IGF2BP2: variants seen among roughly 807,000 people sequenced by gnomAD.
IGF2BP2 encodes the protein insulin like growth factor 2 mRNA binding protein 2.
A neutral mutation model predicts 75.8 loss-of-function variants in IGF2BP2; 17 were observed. The observed-to-expected ratio is 0.22, with a 90% confidence interval of 0.15 to 0.34. The LOEUF (loss-of-function observed/expected upper bound fraction) is 0.34. IGF2BP2 is among the 10% of genes least tolerant of loss of function. IGF2BP2 has a pLI of 1.00. For missense variants in IGF2BP2, 516 were observed against 772.4 expected (o/e 0.67, Z 3.93); for synonymous variants, 288 against 295.6 (o/e 0.97, Z 0.26).
At chr3:185,745,238 G>A (rs1730097049) in intron 2 of IGF2BP2, among the ~76,000 whole-genome samples, 1 of 152,152 alleles carries the variant, frequency 6.6e-6, no homozygotes, top group African/African-American at 2.4e-5. Flanking sequence ...ATAGAGGAAT[G>A]GTCGACCAAG....
intron 4 of IGF2BP2, among the ~76,000 whole-genome samples, chr3:185,693,716 C>T (rs1308884918): frequency 6.6e-6 from 1 of 152,132 alleles, no homozygotes; most frequent in Non-Finnish European, 1.5e-5. Flanking sequence ...ATATATGTTT[C>T]CCAAAACAAA....
At chr3:185,670,733 C>T (rs979913495) in intron 10 of IGF2BP2, among the ~76,000 whole-genome samples, 1 of 152,122 alleles carries the variant, frequency 6.6e-6, no homozygotes, top group East Asian at 1.9e-4. Context: ...CCACACCTGG[C>T]TAATTCTTGT....
intron 2 of IGF2BP2, among the ~76,000 whole-genome samples, chr3:185,776,834 A>G (rs779957547): frequency 2.0e-4 from 30 of 152,320 alleles, no homozygotes; most frequent in Admixed American, 5.2e-4. Context: ...AAACATTCCA[A>G]TGTTCTTTAT....
At chr3:185,665,443 G>A (rs1409795981) in intron 10 of IGF2BP2, among the ~76,000 whole-genome samples, 10 of 120,436 alleles carry the variant, frequency 8.3e-5, no homozygotes, top group Non-Finnish European at 1.6e-4. Flanking sequence ...GGAGGAGAAG[G>A]AGGAGGAGGA....
At chr3:185,660,145 A>G (rs2149113769) in intron 10 of IGF2BP2, among the ~76,000 whole-genome samples, 1 of 152,358 alleles carries the variant, frequency 6.6e-6, no homozygotes, top group East Asian at 1.9e-4. Flanking sequence ...CAGAATTGCT[A>G]GCTGTGCTTT....
chr3:185,785,628 G>A (rs1735785236), intron 2 of IGF2BP2, among the ~76,000 whole-genome samples: 2 of 151,982 alleles, frequency 1.3e-5, no homozygotes, highest in Admixed American at 1.3e-4. Flanking sequence ...AGACCAGCCT[G>A]GGCAACATAT....
At chr3:185,646,952 A>G in intron 15 of IGF2BP2, 73 bp downstream of exon 15, 10 of 1,169,018 alleles carry the variant, frequency 8.6e-6, no homozygotes, top group Non-Finnish European at 1.3e-5. Flanking sequence ...TGGCCACCTG[A>G]CAGGCCACCA....
intron 7 of IGF2BP2, among the ~76,000 whole-genome samples, chr3:185,681,777 G>T (rs144628958): frequency 2.0e-5 from 3 of 152,134 alleles, no homozygotes; most frequent in South Asian, 4.1e-4. Flanking sequence ...TATAGTCTCC[G>T]ATGATTTTTG....
chr3:185,765,556 A>C (rs1380277102), intron 2 of IGF2BP2, among the ~76,000 whole-genome samples: 1 of 152,142 alleles, frequency 6.6e-6, no homozygotes, highest in Non-Finnish European at 1.5e-5. Context: ...GTGTACCTAC[A>C]TCACACTCTA....
intron 2 of IGF2BP2, among the ~76,000 whole-genome samples, chr3:185,739,837 T>A (rs1729305206): frequency 7.3e-6 from 1 of 136,810 alleles, no homozygotes; most frequent in South Asian, 2.7e-4. Context: ...TATGTCCTTT[T>A]TTTCCCTCCC....
chr3:185,731,248 T>C (rs1253351216), intron 2 of IGF2BP2, among the ~76,000 whole-genome samples: 1 of 127,490 alleles, frequency 7.8e-6, no homozygotes, highest in Non-Finnish European at 1.7e-5. Flanking sequence ...ATCACTTTCT[T>C]TTTTTTTTTT....
rs377334983 is a variant in IGF2BP2 at position 185,785,562 on chromosome 3, T to C, written c.239+37591A>G. ...TCCACAGCATGGTGGCTTGTGCCTG[T>C]AATTCCAGCAACTTGGGAGACCAAG... On this transcript the variant is annotated intron_variant, in intron 2 of 15. Coordinates refer to ENST00000382199, the MANE Select transcript of IGF2BP2 (RefSeq NM_006548.6). 1.1e-4 allele frequency among the ~76,000 whole-genome samples: 17 copies of C among 152,146 alleles called. 1 individual carries two copies. In the East Asian group the frequency reaches 3.3e-3, roughly 30 times the overall value.
intron 2 of IGF2BP2, among the ~76,000 whole-genome samples, chr3:185,756,901 T>A (rs990038375): frequency 1.3e-5 from 2 of 152,082 alleles, no homozygotes; most frequent in African/African-American, 2.4e-5. Flanking sequence ...GCCCAGGAGT[T>A]TGAAGTTTAC....
At chr3:185,758,071 T>C (rs953372928) in intron 2 of IGF2BP2, among the ~76,000 whole-genome samples, 3 of 152,266 alleles carry the variant, frequency 2.0e-5, no homozygotes, top group African/African-American at 4.8e-5. Flanking sequence ...CCTTAGGCAC[T>C]GAGAGCACTT....
At chr3:185,657,184 G>A (rs1715581398) in intron 12 of IGF2BP2, 102 bp downstream of exon 12, 6 of 734,338 alleles carry the variant, frequency 8.2e-6, no homozygotes, top group Admixed American at 2.0e-5. Flanking sequence ...GTGGGACTCT[G>A]TCTCTGCATG....
At chr3:185,699,777 A>G (rs769989651) in intron 2 of IGF2BP2, among the ~76,000 whole-genome samples, 2 of 152,146 alleles carry the variant, frequency 1.3e-5, no homozygotes, top group Non-Finnish European at 2.9e-5. Context: ...GGTATCCTGA[A>G]GTATATTTAA....
rs139879238 is a variant in IGF2BP2, at chr3:185,720,978, C to T, written c.240-22631G>A. Among the ~76,000 whole-genome samples the T allele has an allele frequency of 3.3e-3, 504 of 152,284 alleles. 1 individual carries two copies. Among genetic ancestry groups the T allele is most frequent in the Admixed American group, 8.0e-3 (122 of 15,298 alleles). On this transcript the variant is annotated intron_variant, in intron 2 of 15. Coordinates refer to ENST00000382199, the MANE Select transcript of IGF2BP2 (RefSeq NM_006548.6). ...GTCAAAGGAAAGACAGAAAAGACAT[C>T]TGGATGCCTACAAGTTGTGTGTGCA...
intron 15 of IGF2BP2, 27 bp downstream of exon 15, chr3:185,646,998 A>G (rs1444028343): frequency 6.6e-7 from 1 of 1,518,734 alleles, no homozygotes; most frequent in Non-Finnish European, 9.1e-7. Context: ...GACTTGCAGG[A>G]GAGACAGGGC....
At chr3:185,739,201 A>G (rs989284727) in intron 2 of IGF2BP2, among the ~76,000 whole-genome samples, 32 of 152,176 alleles carry the variant, frequency 2.1e-4, no homozygotes, top group African/African-American at 7.0e-4. Context: ...ACAAAACGAA[A>G]CGGCCATTGC....
Sources: gnomAD v4.1 joint callset for allele counts (sites outside exome capture counted in the v4.1 genomes callset) on GRCh38, gnomAD v4.1.1 for gene constraint, MANE v1.5 for transcripts, NCBI Gene and HGNC (gene_info 2026-07-23, HGNC 2026-07-21) for gene names.